The following RIMBP2 variants were observed in gnomAD, a reference collection of about 807,000 sequenced individuals.
RIMBP2 encodes RIMS-binding protein 2.
Under a neutral mutation model 118.6 loss-of-function variants are expected in RIMBP2, and 48 were observed. That is an observed-to-expected ratio of 0.40 (90% CI 0.32 to 0.51). The LOEUF is 0.51. Among genes scored for constraint, RIMBP2 ranks in the 20% least tolerant of loss-of-function variants. The pLI, the probability that RIMBP2 is intolerant of heterozygous loss-of-function variation, is 0.41. For missense variants in RIMBP2, 1,551 were observed against 1,768.3 expected (o/e 0.88, Z 2.20); for synonymous variants, 762 against 742.9 (o/e 1.03, Z -0.42).
chr12:130,594,686 G>C (rs564712360), intron 2 of RIMBP2, among the ~76,000 whole-genome samples: 1 of 152,262 alleles, frequency 6.6e-6, no homozygotes, highest in Admixed American at 6.5e-5. Context: ...TGTTTTAAGG[G>C]GGGGGTGTGG....
chr12:130,702,377 G>A (rs1342917215), intron 1 of RIMBP2, among the ~76,000 whole-genome samples: 3 of 152,044 alleles, frequency 2.0e-5, no homozygotes, highest in African/African-American at 7.2e-5. Flanking sequence ...TTAACTGAGT[G>A]TGTTGGCACA....
At chr12:130,461,766 C>T (rs1474242957) in intron 6 of RIMBP2, among the ~76,000 whole-genome samples, 1 of 152,156 alleles carries the variant, frequency 6.6e-6, no homozygotes, top group African/African-American at 2.4e-5. Flanking sequence ...CACGCCTGAT[C>T]CCCCTTTGCC....
intron 1 of RIMBP2, among the ~76,000 whole-genome samples, chr12:130,640,503 T>C (rs562875286): frequency 5.3e-5 from 8 of 152,376 alleles, no homozygotes; most frequent in Admixed American, 4.6e-4. Flanking sequence ...TTATTAACAC[T>C]ATTCGTGTCT....
chr12:130,594,261 A>C (rs995270030), intron 2 of RIMBP2, among the ~76,000 whole-genome samples: 4 of 152,244 alleles, frequency 2.6e-5, no homozygotes, highest in African/African-American at 9.6e-5. Context: ...TCACCATCAG[A>C]AAGCTAACTC....
intron 5 of RIMBP2, chr12:130,472,040 G>A (rs1238752352): frequency 6.6e-6 from 1 of 152,462 alleles, no homozygotes; most frequent in African/African-American, 2.4e-5. Flanking sequence ...GGTCAGGGCT[G>A]GAGTGGCTGG....
rs1472295315 is a variant in RIMBP2, at chr12:130,670,787, T to G, written c.-351-42331A>C. On this transcript the variant is annotated intron_variant, in intron 1 of 22. Coordinates refer to ENST00000690449, the MANE Select transcript of RIMBP2 (RefSeq NM_001393629.1). This position sits in a 1 kb window ranked among gnomAD's most constrained non-coding sequence, Gnocchi z 4.9. ...ACTTTTCTTTCCATTTATTTATTTA[T>G]TTATGAGATACAGTCCCTCTCTGTT... Among the ~76,000 whole-genome samples the G allele has an allele frequency of 6.6e-6, 1 of 152,218 alleles. No individual in the cohort carries two copies. Among genetic ancestry groups the G allele is most frequent in the African/African-American group, 2.4e-5 (1 of 41,456 alleles).
rs558955005 is a variant in RIMBP2, at chr12:130,497,667, C to CT, written c.-4+8980dup. Among the ~76,000 whole-genome samples, 64 of 152,212 alleles carry CT rather than the reference C, an allele frequency of 4.2e-4. No individual in the cohort carries two copies. In the East Asian group the frequency reaches 0.011, roughly 26 times the overall value. ...AAACTCACATGAAAAACACATGAGG[C>CT]TTTTTTTGTTTTGTTTTTTTGCAGT... On this transcript the variant is annotated intron_variant, in intron 4 of 22. Coordinates refer to ENST00000690449, the MANE Select transcript of RIMBP2 (RefSeq NM_001393629.1).
intron 1 of RIMBP2, among the ~76,000 whole-genome samples, chr12:130,664,411 GCACA>G (rs755474700): frequency 9.1e-5 from 8 of 87,492 alleles, no homozygotes; most frequent in East Asian, 3.1e-4. Context: ...ACGCACGCAC[GCACA>G]CACACGCACA....
At chr12:130,618,212 A>T (rs1213890295) in intron 2 of RIMBP2, among the ~76,000 whole-genome samples, 3 of 152,152 alleles carry the variant, frequency 2.0e-5, no homozygotes, top group Non-Finnish European at 4.4e-5. Flanking sequence ...ATAATCATTC[A>T]TACTGCATAT....
chr12:130,677,892 C>T (rs1167013859), intron 1 of RIMBP2, among the ~76,000 whole-genome samples: 1 of 152,274 alleles, frequency 6.6e-6, no homozygotes, highest in East Asian at 1.9e-4. Context: ...TTCTCCATCG[C>T]ACCCAGATGA....
intron 1 of RIMBP2, among the ~76,000 whole-genome samples, chr12:130,642,496 G>C (rs1456632351): frequency 6.6e-6 from 1 of 152,100 alleles, no homozygotes; most frequent in African/African-American, 2.4e-5. Context: ...TGTTGGCCAG[G>C]CTGGTCTTGA....
chr12:130,508,215 G>C (rs2050552259), intron 3 of RIMBP2, among the ~76,000 whole-genome samples: 1 of 151,926 alleles, frequency 6.6e-6, no homozygotes, highest in Non-Finnish European at 1.5e-5. Context: ...TAGGACTTGG[G>C]GGTCATGCTT....
intron 3 of RIMBP2, among the ~76,000 whole-genome samples, chr12:130,510,359 G>A (rs147218011): frequency 7.8e-4 from 119 of 152,344 alleles, no homozygotes; most frequent in African/African-American, 2.8e-3. Context: ...ACGAATGGGT[G>A]TGTTGACCTC....
chr12:130,563,312 G>A (rs953123223), intron 2 of RIMBP2, among the ~76,000 whole-genome samples: 2 of 152,200 alleles, frequency 1.3e-5, no homozygotes, highest in Non-Finnish European at 2.9e-5. Flanking sequence ...CAAGACACCT[G>A]GTGGCATCTC....
intron 21 of RIMBP2, among the ~76,000 whole-genome samples, chr12:130,402,099 A>G (rs1157110370): frequency 6.6e-6 from 1 of 152,212 alleles, no homozygotes; most frequent in East Asian, 1.9e-4. Context: ...CAGAACGCAC[A>G]TGTACCATGT....
chr12:130,557,734 C>T (rs539951528), intron 2 of RIMBP2, among the ~76,000 whole-genome samples: 14 of 152,324 alleles, frequency 9.2e-5, no homozygotes, highest in East Asian at 5.8e-4. Context: ...CAGCTACCTG[C>T]GGAGATTGAT....
chr12:130,537,574 A>T (rs2054188896), intron 2 of RIMBP2, among the ~76,000 whole-genome samples: 2 of 152,236 alleles, frequency 1.3e-5, no homozygotes, highest in African/African-American at 2.4e-5. Context: ...CTGTGGGGTC[A>T]TCGGGAAGGT....
intron 10 of RIMBP2, among the ~76,000 whole-genome samples, chr12:130,443,758 T>TGGTGATGATGGTGAC (rs1265429924): frequency 5.3e-5 from 8 of 152,148 alleles, no homozygotes; most frequent in African/African-American, 1.9e-4. Context: ...ATGGAGGTGA[T>TGGTGATGATGGTGAC]GGTGATGATG....
At chr12:130,512,853 T>C (rs1199971719) in intron 3 of RIMBP2, among the ~76,000 whole-genome samples, 7 of 152,212 alleles carry the variant, frequency 4.6e-5, no homozygotes, top group South Asian at 2.1e-4. Context: ...TTCCCTCTTA[T>C]GCGATTTTTT....
Sources: gnomAD v4.1 joint callset for allele counts (sites outside exome capture counted in the v4.1 genomes callset) on GRCh38, gnomAD v4.1.1 for gene constraint, Gnocchi (gnomAD v3.1) non-coding constraint, MANE v1.5 for transcripts, NCBI Gene and HGNC (gene_info 2026-07-23, HGNC 2026-07-21) for gene names.